MRPS27: variants seen among roughly 807,000 people sequenced by gnomAD.
The protein encoded by MRPS27 is mitochondrial ribosomal protein S27, also known as small ribosomal subunit protein mS27.
MRPS27 carries 43 observed loss-of-function variants against 48.9 expected under a neutral mutation model. The ratio of observed to expected loss-of-function variants is 0.88; its 90% CI spans 0.69 to 1.13. The LOEUF (loss-of-function observed/expected upper bound fraction) is 1.13. Ranked by LOEUF, MRPS27 falls within the 50% of genes most tolerant of loss-of-function variation. The pLI, the probability that MRPS27 is intolerant of heterozygous loss-of-function variation, is 0.00. For synonymous variants in MRPS27, 188 were observed against 171.9 expected, an observed-to-expected ratio of 1.09 and a Z score of -0.73; for missense variants, 467 against 476.3, an observed-to-expected ratio of 0.98 and a Z score of 0.18.
chr5:72,269,795 C>T (rs1749188354), intron 4 of MRPS27, among the ~76,000 whole-genome samples: 1 of 151,986 alleles, frequency 6.6e-6, no homozygotes, highest in Non-Finnish European at 1.5e-5. Flanking sequence ...CAAAAGCATA[C>T]ATTTACTGGA....
chr5:72,244,999 T>C (rs909996003), intron 4 of MRPS27, among the ~76,000 whole-genome samples: 1 of 152,174 alleles, frequency 6.6e-6, no homozygotes, highest in Non-Finnish European at 1.5e-5. Flanking sequence ...TATGTGTAGA[T>C]AACCAGGGAG....
chr5:72,283,047 A>G (rs933395933), intron 4 of MRPS27, among the ~76,000 whole-genome samples: 1 of 152,182 alleles, frequency 6.6e-6, no homozygotes, highest in Non-Finnish European at 1.5e-5. Flanking sequence ...TATCAGTGAC[A>G]TTAAGAAACA....
chr5:72,271,399 T>C (rs1163159375), intron 4 of MRPS27, among the ~76,000 whole-genome samples: 1 of 152,142 alleles, frequency 6.6e-6, no homozygotes. Context: ...TACTTTAAAA[T>C]ACATTTAACA....
In MRPS27 at chr5:72,248,378, C is replaced by T. The variant is rs72761125; in HGVS notation, c.282-10250G>A. Reference sequence around the variant, plus strand: ...TAGTAATAAACCAAATACAAAGTTCCGGGTTCATCTGTTCTGGCTGGCAAA... The same window carrying T: ...TAGTAATAAACCAAATACAAAGTTCTGGGTTCATCTGTTCTGGCTGGCAAA... On this transcript the variant is annotated intron_variant, in intron 4 of 10. Transcript: ENST00000261413. Among the ~76,000 whole-genome samples the T allele has an allele frequency of 2.8e-3, 419 of 152,182 alleles. 2 individuals carry two copies. Among genetic ancestry groups the T allele is most frequent in the Non-Finnish European group, 4.8e-3 (326 of 68,008 alleles).
At chr5:72,300,249 C>G (rs1392375258) in intron 2 of MRPS27, among the ~76,000 whole-genome samples, 1 of 152,104 alleles carries the variant, frequency 6.6e-6, no homozygotes, top group Non-Finnish European at 1.5e-5. Flanking sequence ...TTTTTTCTCT[C>G]CTTCTTGTGT....
chr5:72,225,207 T>C (rs1053638738), intron 9 of MRPS27, among the ~76,000 whole-genome samples: 3 of 152,168 alleles, frequency 2.0e-5, no homozygotes, highest in Admixed American at 6.5e-5. Context: ...AAGAGCATAA[T>C]GATTCACTAG....
chr5:72,232,655 G>A, intron 6 of MRPS27, 97 bp from the exon 7 acceptor site: 2 of 833,062 alleles, frequency 2.4e-6, no homozygotes, highest in Admixed American at 2.8e-5. Context: ...CGTGGGGCAT[G>A]GTTTAAAAAA....
intron 2 of MRPS27, among the ~76,000 whole-genome samples, 178 bp downstream of exon 2, chr5:72,313,903 A>G (rs1030773380): frequency 3.9e-5 from 6 of 152,260 alleles, no homozygotes; most frequent in African/African-American, 1.2e-4. Context: ...ATTAGAAATG[A>G]ACAGGATAAA....
rs150145000 is a variant in MRPS27 at position 72,307,082 on chromosome 5, G to A, written c.151+6999C>T. 6.3e-3 allele frequency among the ~76,000 whole-genome samples: 960 copies of A among 152,232 alleles called. 10 individuals are homozygous for A. The highest frequency in any genetic ancestry group is 0.021 in the African/African-American group (891 of 41,532). ...TATCAGGGATACCTGAGCCAGGAGCGGTGGCTCACGCCTGTAATCCCAGCA... is the reference window on the plus strand; with the variant it reads ...TATCAGGGATACCTGAGCCAGGAGCAGTGGCTCACGCCTGTAATCCCAGCA... On this transcript the variant is annotated intron_variant, in intron 2 of 10. Transcript: ENST00000261413.
intron 3 of MRPS27, among the ~76,000 whole-genome samples, chr5:72,296,950 T>A (rs186442206): frequency 1.3e-5 from 2 of 152,310 alleles, no homozygotes; most frequent in East Asian, 3.9e-4. Context: ...AGTGAATTCA[T>A]GTTAAAGACA....
chr5:72,236,011 A>G (rs907230285), intron 5 of MRPS27, among the ~76,000 whole-genome samples: 11 of 152,154 alleles, frequency 7.2e-5, no homozygotes, highest in African/African-American at 2.7e-4. Flanking sequence ...TGTGATGAGT[A>G]CAGCATGTGT....
intron 1 of MRPS27, among the ~76,000 whole-genome samples, chr5:72,316,589 G>A (rs73109209): frequency 0.11 from 16,421 of 151,802 alleles, 2,077 homozygotes; most frequent in African/African-American, 0.31. Context: ...GGCTGGTCTC[G>A]AACTCCTACC....
At chr5:72,271,584 A>G (rs1749243112) in intron 4 of MRPS27, among the ~76,000 whole-genome samples, 1 of 152,198 alleles carries the variant, frequency 6.6e-6, no homozygotes, top group Non-Finnish European at 1.5e-5. Flanking sequence ...ATAATGTGTG[A>G]TCCTGGTTTG....
At chr5:72,311,836 T>C (rs1189794817) in intron 2 of MRPS27, among the ~76,000 whole-genome samples, 2 of 152,120 alleles carry the variant, frequency 1.3e-5, no homozygotes, top group Non-Finnish European at 2.9e-5. Context: ...TTTTTATAAG[T>C]TTAAAATTAT....
intron 6 of MRPS27, among the ~76,000 whole-genome samples, chr5:72,233,587 C>T (rs768433282): frequency 2.0e-4 from 30 of 152,162 alleles, no homozygotes; most frequent in Non-Finnish European, 3.5e-4. Context: ...TGAGGCCACA[C>T]GCATGGATTT....
intron 1 of MRPS27, among the ~76,000 whole-genome samples, chr5:72,319,319 T>TCTA: frequency 6.6e-6 from 1 of 152,296 alleles, no homozygotes; most frequent in Admixed American, 6.5e-5. Flanking sequence ...GCATTTATTA[T>TCTA]CTACACGTGG....
chr5:72,253,889 T>C (rs1456188909), intron 4 of MRPS27, among the ~76,000 whole-genome samples: 2 of 152,194 alleles, frequency 1.3e-5, no homozygotes, highest in Non-Finnish European at 1.5e-5. Flanking sequence ...GGAAATTCTC[T>C]TGTAAGAAGA....
At chr5:72,242,362 GA>G (rs1327470340) in intron 4 of MRPS27, among the ~76,000 whole-genome samples, 1 of 144,890 alleles carries the variant, frequency 6.9e-6, no homozygotes, top group Non-Finnish European at 1.5e-5. Flanking sequence ...ACATGGGAGT[GA>G]AAGTCTTGGA....
At chr5:72,243,772 A>C (rs1369637183) in intron 4 of MRPS27, among the ~76,000 whole-genome samples, 1 of 152,224 alleles carries the variant, frequency 6.6e-6, no homozygotes, top group Non-Finnish European at 1.5e-5. Flanking sequence ...TTTCTTTAAA[A>C]GTTCTAATTT....
Sources: gnomAD v4.1 joint callset for allele counts (sites outside exome capture counted in the v4.1 genomes callset) on GRCh38, gnomAD v4.1.1 for gene constraint, MANE v1.5 for transcripts, NCBI Gene and HGNC (gene_info 2026-07-23, HGNC 2026-07-21) for gene names.